Variants in GALNT14 observed in about 807,000 individuals in gnomAD.
The protein encoded by GALNT14 is UDP-GalNAc:polypeptide N-acetylgalactosaminyltransferase 14.
Under a neutral mutation model 77.5 loss-of-function variants are expected in GALNT14, and 60 were observed. The observed-to-expected ratio is 0.77, with a 90% CI of 0.63 to 0.96. The LOEUF (loss-of-function observed/expected upper bound fraction) is 0.96, where lower values mean the gene tolerates loss of function less well. GALNT14 is among the 40% of genes least tolerant of loss of function. The pLI is 0.00. For missense variants in GALNT14, 710 were observed against 731.0 expected (o/e 0.97, Z 0.33); for synonymous variants, 280 against 281.7 (o/e 0.99, Z 0.06).
chr2:30,939,560 A>G (rs1666254212), intron 9 of GALNT14, among the ~76,000 whole-genome samples: 1 of 152,154 alleles, frequency 6.6e-6, no homozygotes, highest in East Asian at 1.9e-4. Flanking sequence ...AGCCACTGAG[A>G]ATGCCAGGCC....
chr2:30,900,588 C>T, the GALNT14 span, among the ~76,000 whole-genome samples: 85 of 152,262 alleles, frequency 5.6e-4, no homozygotes, highest in African/African-American at 1.9e-3. Flanking sequence ...GGAAAGACAG[C>T]GGTGACAGCT....
At position 30,990,496 on chromosome 2, in the gene GALNT14, T is replaced by C. The variant is rs1035318072; in HGVS notation, c.299+2342A>G. 1.2e-4 allele frequency among the ~76,000 whole-genome samples: 19 copies of C among 152,324 alleles called. No homozygotes were observed. The East Asian group carries it at 2.3e-3, about 19-fold the overall frequency. ...GCTGGAAGTGTGAGATGAGATCCTA[T>C]AGACGGAAGGGCCCAGTTGAAAGAA... On this transcript the variant is annotated intron_variant, in intron 2 of 14. Coordinates refer to ENST00000349752, the MANE Select transcript of GALNT14 (RefSeq NM_024572.4).
At chr2:31,124,672 G>A (rs1379905229) in intron 1 of GALNT14, among the ~76,000 whole-genome samples, 1 of 152,182 alleles carries the variant, frequency 6.6e-6, no homozygotes, top group Non-Finnish European at 1.5e-5. Context: ...CCAGGATGGA[G>A]TGCAGTGGTG....
intron 1 of GALNT14, among the ~76,000 whole-genome samples, chr2:31,086,328 A>C (rs1573326833): frequency 6.6e-6 from 1 of 152,150 alleles, no homozygotes; most frequent in Non-Finnish European, 1.5e-5. Context: ...GGACTGCCCT[A>C]CTGAGCAGGT....
At chr2:31,043,636 A>G (rs918824383) in intron 1 of GALNT14, among the ~76,000 whole-genome samples, 2 of 150,980 alleles carry the variant, frequency 1.3e-5, no homozygotes, top group African/African-American at 4.9e-5. Flanking sequence ...CCTCCATATT[A>G]CAAGGAAGGG....
At chr2:31,087,389 T>C (rs1676483081) in intron 1 of GALNT14, among the ~76,000 whole-genome samples, 1 of 142,960 alleles carries the variant, frequency 7.0e-6, no homozygotes, top group Admixed American at 7.2e-5. Flanking sequence ...GAAATGCACA[T>C]TTAGGAGTCA....
At chr2:30,891,289 G>A in the GALNT14 span, among the ~76,000 whole-genome samples, 1 of 152,164 alleles carries the variant, frequency 6.6e-6, no homozygotes, top group East Asian at 1.9e-4. Flanking sequence ...GAGATTACGG[G>A]CTTTCCTGCT....
chr2:30,940,036 G>A (rs918209361), intron 9 of GALNT14, among the ~76,000 whole-genome samples: 4 of 151,836 alleles, frequency 2.6e-5, no homozygotes, highest in African/African-American at 9.7e-5. Flanking sequence ...GGCTTTCAAA[G>A]TGCTGTTAGC....
intron 9 of GALNT14, among the ~76,000 whole-genome samples, chr2:30,934,484 C>T (rs1392590361): frequency 1.3e-5 from 2 of 152,196 alleles, no homozygotes; most frequent in Non-Finnish European, 2.9e-5. Flanking sequence ...CTCTTCCTTT[C>T]CTTGTATTCA....
chr2:31,071,418 G>A (rs986381978), intron 1 of GALNT14, among the ~76,000 whole-genome samples: 1 of 152,160 alleles, frequency 6.6e-6, no homozygotes, highest in Non-Finnish European at 1.5e-5. Flanking sequence ...TTTGAGGAGA[G>A]CAATTAGGAG....
chr2:31,138,296 C>A lies in GALNT14; in HGVS notation c.-210G>T. 1.7e-6 allele frequency: 1 copy of A among 576,630 alleles called. No homozygotes were observed. The highest frequency in any genetic ancestry group is 3.0e-6 in the Non-Finnish European group (1 of 334,108). 35.7% of individuals were successfully genotyped at this position (576,630 alleles called of 1,614,324 possible). On this transcript the variant is annotated 5_prime_UTR_variant, in exon 1 of 15. Transcript: ENST00000349752. ...GTGGGGGGTGCAGGGCGACCCGAAACGTGGCAGGGAAGGACCGAGGGCAGC... is the reference window on the plus strand; with the variant it reads ...GTGGGGGGTGCAGGGCGACCCGAAAAGTGGCAGGGAAGGACCGAGGGCAGC...
intron 2 of GALNT14, among the ~76,000 whole-genome samples, chr2:30,974,283 C>T (rs1668517901): frequency 6.6e-6 from 1 of 152,256 alleles, no homozygotes; most frequent in Non-Finnish European, 1.5e-5. Context: ...GGCTGTTTCT[C>T]TCCACTTCCA....
chr2:31,017,136 T>C (rs1435116218), intron 1 of GALNT14, among the ~76,000 whole-genome samples: 2 of 152,266 alleles, frequency 1.3e-5, no homozygotes, highest in African/African-American at 4.8e-5. Flanking sequence ...CTGCTTTATA[T>C]ATGAATTTTG....
chr2:30,929,545 G>A, intron 10 of GALNT14, 58 bp from the exon 11 acceptor site: 1 of 1,295,834 alleles, frequency 7.7e-7, no homozygotes, highest in Non-Finnish European at 1.1e-6. Context: ...GAGGCCCTGT[G>A]AGTGCCAGTT....
intron 1 of GALNT14, among the ~76,000 whole-genome samples, chr2:31,101,629 G>C (rs1167253725): frequency 6.6e-6 from 1 of 151,916 alleles, no homozygotes; most frequent in Non-Finnish European, 1.5e-5. Flanking sequence ...TTAGTTTCCT[G>C]TTTATGCCAC....
chr2:30,938,803 G>T (rs1226247720), intron 9 of GALNT14, among the ~76,000 whole-genome samples: 1 of 152,222 alleles, frequency 6.6e-6, no homozygotes, highest in African/African-American at 2.4e-5. Context: ...GCCAGAGCCT[G>T]TCCCAATCAT....
In GALNT14 at chr2:31,120,567, T is replaced by A. The variant is rs182159419; in HGVS notation, c.129+17391A>T. Among the ~76,000 whole-genome samples the A allele has an allele frequency of 7.5e-4, 114 of 151,320 alleles. 1 individual carries two copies. Among genetic ancestry groups the A allele is most frequent in the African/African-American group, 2.5e-3 (103 of 41,296 alleles). ...AATTAGTATCCTACCATGAACACAT[T>A]TTTTTTTTAGACAGAGTCTCACTCT... On this transcript the variant is annotated intron_variant, in intron 1 of 14. Coordinates refer to ENST00000349752, the MANE Select transcript of GALNT14 (RefSeq NM_024572.4).
At chr2:30,956,546 G>A (rs112867133) in intron 4 of GALNT14, among the ~76,000 whole-genome samples, 17,876 of 152,056 alleles carry the variant, frequency 0.12, 1,399 homozygotes, top group Non-Finnish European at 0.16. Flanking sequence ...TCTCGCTGTC[G>A]CCCAGGTTGG....
chr2:30,912,283 G>A lies in GALNT14; in HGVS notation c.1440C>T (p.Ile480=). 1 of 1,614,198 alleles carries A rather than the reference G, an allele frequency of 6.2e-7. No individual in the cohort carries two copies. The highest frequency in any genetic ancestry group is 8.5e-7 in the Non-Finnish European group (1 of 1,180,026). ...ILQEELCLSV[I]TLFPGAPVVL... ...CCACTGGGGCGCCAGGGAACAAGGT[G>A]ATGACTGACAGGCACAGCTCCTCCT... Residue 480 remains isoleucine (I), a synonymous_variant, in exon 14 of 15, where the codon ATC becomes ATT. Transcript: ENST00000349752.
Sources: allele counts gnomAD v4.1 joint callset (sites outside exome capture counted in the v4.1 genomes callset), GRCh38; gene constraint gnomAD v4.1.1; transcripts MANE v1.5; gene names NCBI Gene and HGNC (gene_info 2026-07-23, HGNC 2026-07-21).